Variants in DLGAP1 observed in about 807,000 individuals in gnomAD.
DLGAP1 encodes disks large-associated protein 1.
A neutral mutation model predicts 90.8 loss-of-function variants in DLGAP1; 11 were observed. The ratio of observed to expected loss-of-function variants is 0.12; its 90% CI spans 0.08 to 0.20. The LOEUF (loss-of-function observed/expected upper bound fraction) is 0.20, where lower values mean the gene tolerates loss of function less well. Ranked by LOEUF, DLGAP1 falls within the 10% of genes least tolerant of loss-of-function variation. DLGAP1 has a pLI of 1.00. For synonymous variants in DLGAP1, 558 were observed against 540.7 expected, an observed-to-expected ratio of 1.03 and a Z score of -0.44; for missense variants, 1,050 against 1,333.8, an observed-to-expected ratio of 0.79 and a Z score of 3.31.
chr18:4,338,874 C>T (rs1438602599), intron 1 of DLGAP1, among the ~76,000 whole-genome samples: 2 of 151,986 alleles, frequency 1.3e-5, no homozygotes, highest in Non-Finnish European at 2.9e-5. Flanking sequence ...TGTAAATGGC[C>T]TATTATTATA....
chr18:3,510,177 G>GAGTGGGCCTT (rs2050461272), intron 10 of DLGAP1, among the ~76,000 whole-genome samples: 1 of 152,238 alleles, frequency 6.6e-6, no homozygotes, highest in Non-Finnish European at 1.5e-5. Flanking sequence ...CACAGGGCCT[G>GAGTGGGCCTT]AGTGGGCCAG....
intron 4 of DLGAP1, among the ~76,000 whole-genome samples, chr18:3,872,500 T>C (rs1230964044): frequency 6.6e-6 from 1 of 152,122 alleles, no homozygotes; most frequent in East Asian, 1.9e-4. Flanking sequence ...ACCAAAATAA[T>C]GTGAAAAAAA....
intron 1 of DLGAP1, among the ~76,000 whole-genome samples, chr18:4,441,616 T>C (rs574559702): frequency 2.0e-5 from 3 of 152,162 alleles, no homozygotes; most frequent in Non-Finnish European, 4.4e-5. Context: ...TTTATTTCTA[T>C]TGCATCTCCA....
chr18:4,117,258 G>T (rs1432468158), intron 2 of DLGAP1, among the ~76,000 whole-genome samples: 2 of 152,168 alleles, frequency 1.3e-5, no homozygotes, highest in Non-Finnish European at 2.9e-5. Context: ...AATTTCTATT[G>T]TTTAAGCCAC....
chr18:4,346,624 T>G (rs1382950206), intron 1 of DLGAP1, among the ~76,000 whole-genome samples: 2 of 152,200 alleles, frequency 1.3e-5, no homozygotes, highest in Non-Finnish European at 2.9e-5. Flanking sequence ...AACAGTGGAT[T>G]TGGAACTTAA....
intron 7 of DLGAP1, among the ~76,000 whole-genome samples, chr18:3,652,182 AAAAG>A (rs1258143371): frequency 1.5e-5 from 2 of 135,798 alleles, no homozygotes; most frequent in Non-Finnish European, 3.0e-5. Context: ...AAAAAAAAAG[AAAAG>A]AAAGAAAGAC....
chr18:3,897,595 G>A (rs914102992), intron 3 of DLGAP1, among the ~76,000 whole-genome samples: 3 of 152,118 alleles, frequency 2.0e-5, no homozygotes, highest in African/African-American at 7.2e-5. Flanking sequence ...CTTAGGTGAT[G>A]ACATATTAAC....
chr18:3,626,592 G>GT (rs1555606654), intron 7 of DLGAP1, among the ~76,000 whole-genome samples: 1,764 of 80,062 alleles, frequency 0.022, 59 homozygotes, highest in African/African-American at 0.11. Context: ...GCAAGAACCT[G>GT]TTAAAAAAAA....
intron 1 of DLGAP1, among the ~76,000 whole-genome samples, chr18:4,412,625 G>A: frequency 6.6e-6 from 1 of 152,088 alleles, no homozygotes; most frequent in East Asian, 1.9e-4. Context: ...ATTGACATGA[G>A]AACAACCACC....
intron 2 of DLGAP1, among the ~76,000 whole-genome samples, chr18:4,061,859 T>C (rs2075302963): frequency 6.6e-6 from 1 of 152,104 alleles, no homozygotes; most frequent in Non-Finnish European, 1.5e-5. Flanking sequence ...CCACAGACAG[T>C]TTTTGTCTTG....
Position 3,888,085 on chromosome 18 carries a change from A to G in DLGAP1, c.-72-7945T>C, listed in dbSNP as rs913704466. The stretch of plus-strand genomic sequence containing the variant: ...ATCGCGCCACTGCACTGCAGCCTGG[A>G]CAACAGAGTGAGACTCCATCTCAAA... On this transcript the variant is annotated intron_variant, in intron 3 of 12. Transcript: ENST00000315677. Among the ~76,000 whole-genome samples, 65 of 136,890 alleles carry G rather than the reference A, an allele frequency of 4.7e-4. 1 individual carries two copies. The East Asian group carries it at 5.7e-3, about 12-fold the overall frequency. The allele number at this position is 136,890 out of a possible 152,430, so 89.8% of individuals were successfully genotyped here.
At chr18:3,996,889 CTG>C (rs1339924709) in intron 3 of DLGAP1, among the ~76,000 whole-genome samples, 1 of 151,968 alleles carries the variant, frequency 6.6e-6, no homozygotes, top group Non-Finnish European at 1.5e-5. Flanking sequence ...GAAAATGAAA[CTG>C]AGATATCAAA....
chr18:4,289,525 CCCAAAGTAG>C (rs1000178247), intron 1 of DLGAP1, among the ~76,000 whole-genome samples: 41 of 152,254 alleles, frequency 2.7e-4, no homozygotes, highest in African/African-American at 9.9e-4. Context: ...CATGTGAATA[CCCAAAGTAG>C]CCAAATTTGA....
chr18:4,294,722 C>G (rs1217800097), intron 1 of DLGAP1: 1 of 152,282 alleles, frequency 6.6e-6, no homozygotes, highest in East Asian at 1.9e-4. Context: ...TGACAGCTTT[C>G]TGTATTCTGA....
chr18:4,049,725 T>C (rs1313276979), intron 2 of DLGAP1, among the ~76,000 whole-genome samples: 2 of 152,146 alleles, frequency 1.3e-5, no homozygotes, highest in African/African-American at 4.8e-5. Context: ...GTGGACTGCT[T>C]ACCCCATTGT....
At chr18:4,140,437 C>T (rs534616167) in intron 2 of DLGAP1, among the ~76,000 whole-genome samples, 50 of 151,972 alleles carry the variant, frequency 3.3e-4, no homozygotes, top group African/African-American at 1.1e-3. Context: ...TTTGTCCCCC[C>T]ACTTTTAAAT....
At chr18:3,740,162 C>G (rs2062838690) in intron 6 of DLGAP1, among the ~76,000 whole-genome samples, 1 of 152,170 alleles carries the variant, frequency 6.6e-6, no homozygotes, top group African/African-American at 2.4e-5. Context: ...CTGATGTATT[C>G]TGCATGTATG....
chr18:3,507,058 C>G (rs1190328941), intron 11 of DLGAP1, among the ~76,000 whole-genome samples: 2 of 151,844 alleles, frequency 1.3e-5, no homozygotes, highest in African/African-American at 2.4e-5. Flanking sequence ...GCGAATAGCC[C>G]TAAGGAGAGA....
At chr18:4,400,504 T>C (rs1261754792) in intron 1 of DLGAP1, among the ~76,000 whole-genome samples, 3 of 152,150 alleles carry the variant, frequency 2.0e-5, no homozygotes, top group African/African-American at 7.2e-5. Context: ...GGCTCTTTCC[T>C]GTGTCCCATG....
Sources: gnomAD v4.1 joint callset for allele counts (sites outside exome capture counted in the v4.1 genomes callset) on GRCh38, gnomAD v4.1.1 for gene constraint, MANE v1.5 for transcripts, NCBI Gene and HGNC (gene_info 2026-07-23, HGNC 2026-07-21) for gene names.